VMA22: variants seen among roughly 807,000 people sequenced by gnomAD.
The protein encoded by VMA22 is vacuolar ATPase assembly factor VMA22, also known as vacuolar ATPase assembly protein VMA22.
chr2:130,340,649 G>T, the VMA22 span: 1 of 502,194 alleles, frequency 2.0e-6, no homozygotes, highest in Non-Finnish European at 3.6e-6. Flanking sequence ...CGTTGCCTTT[G>T]TCTGCTTCTA....
chr2:130,338,997 A>G, the VMA22 span: 5 of 684,046 alleles, frequency 7.3e-6, no homozygotes, highest in South Asian at 8.6e-5. Context: ...GAGCAGGGAC[A>G]CAGAAGGGGC....
the VMA22 span, chr2:130,342,103 G>T: frequency 6.2e-7 from 1 of 1,613,582 alleles, no homozygotes; most frequent in African/African-American, 1.3e-5. Context: ...ATCCAGCTCC[G>T]CTCGCAGGTC....
At chr2:130,342,117 C>G in the VMA22 span, 1 of 1,613,636 alleles carries the variant, frequency 6.2e-7, no homozygotes, top group Non-Finnish European at 8.5e-7. Context: ...GCAGGTCAAG[C>G]GCCGCCATGG....
At chr2:130,341,801 G>GACCCC in the VMA22 span, 1 of 1,378,140 alleles carries the variant, frequency 7.3e-7, no homozygotes, top group South Asian at 1.3e-5. Flanking sequence ...CCTAGAACGC[G>GACCCC]CCCGCCCGCC....
At chr2:130,341,801 G>T in the VMA22 span, 1 of 1,378,134 alleles carries the variant, frequency 7.3e-7, no homozygotes, top group South Asian at 1.3e-5. Flanking sequence ...CCTAGAACGC[G>T]CCCGCCCGCC....
the VMA22 span, chr2:130,342,202 G>T: frequency 6.4e-7 from 1 of 1,573,246 alleles, no homozygotes; most frequent in East Asian, 2.4e-5. Flanking sequence ...ATAGGCACAC[G>T]AGATCCTCCA....
chr2:130,341,033 C>T, the VMA22 span: 64 of 1,605,274 alleles, frequency 4.0e-5, no homozygotes, highest in Middle Eastern at 1.0e-3. Flanking sequence ...CTTGCGCCTC[C>T]GCAGACCTGA....
At chr2:130,341,849 G>C in the VMA22 span, 1 of 1,606,110 alleles carries the variant, frequency 6.2e-7, no homozygotes, top group Non-Finnish European at 8.5e-7. Context: ...ACCTGGCGTG[G>C]AGGCAGACCT....
At chr2:130,338,949 TCTTCAAA>T in the VMA22 span, 1 of 599,076 alleles carries the variant, frequency 1.7e-6, no homozygotes, top group Admixed American at 2.9e-5. Context: ...ACTGTTTGCC[TCTTCAAA>T]CTTCACACCT....
the VMA22 span, chr2:130,341,838 C>T: frequency 4.3e-6 from 5 of 1,150,976 alleles, no homozygotes; most frequent in East Asian, 3.8e-5. Context: ...GAAGCTTCCT[C>T]ACCTGGCGTG....
At chr2:130,339,501 C>T in the VMA22 span, 2 of 1,338,058 alleles carry the variant, frequency 1.5e-6, no homozygotes, top group South Asian at 2.9e-5. Context: ...GATAGTAATA[C>T]CATTTCATGC....
chr2:130,338,829 G>A, the VMA22 span: 21 of 366,516 alleles, frequency 5.7e-5, no homozygotes, highest in South Asian at 6.2e-4. Context: ...GCACAGCTGA[G>A]TGATCCAAGA....
the VMA22 span, chr2:130,338,352 A>G: frequency 6.6e-6 from 1 of 152,370 alleles, no homozygotes; most frequent in Non-Finnish European, 1.5e-5. Context: ...ATAAGCAAAA[A>G]GATAAACTGG....
At chr2:130,342,083 G>T in the VMA22 span, 1 of 1,613,832 alleles carries the variant, frequency 6.2e-7, no homozygotes, top group East Asian at 2.2e-5. Flanking sequence ...AGCAGCTGCA[G>T]GACCAGCGAA....
At chr2:130,339,477 A>G in the VMA22 span, 38 of 1,379,480 alleles carry the variant, frequency 2.8e-5, no homozygotes, top group Non-Finnish European at 3.6e-5. Context: ...CCCACCAGGA[A>G]CTAAAAATTC....
the VMA22 span, chr2:130,340,787 G>A: frequency 8.0e-7 from 1 of 1,242,802 alleles, no homozygotes; most frequent in Non-Finnish European, 1.2e-6. Flanking sequence ...ACGGAAGTTT[G>A]GATGGAGGAA....
At chr2:130,341,874 G>A in the VMA22 span, 2 of 1,613,096 alleles carry the variant, frequency 1.2e-6, no homozygotes, top group Non-Finnish European at 1.7e-6. Flanking sequence ...CTCCATGTGG[G>A]AAGCATACTG....
chr2:130,342,388 G>C, the VMA22 span: 5 of 604,130 alleles, frequency 8.3e-6, no homozygotes, highest in Admixed American at 3.1e-5. Flanking sequence ...GTTATAGGTG[G>C]TTCTGAGTCC....
the VMA22 span, chr2:130,338,519 G>A: frequency 1.3e-5 from 2 of 152,206 alleles, no homozygotes; most frequent in African/African-American, 4.8e-5. Context: ...AAAATGAAGA[G>A]AGGCTCAGCC....
Sources: allele counts gnomAD v4.1 joint callset, GRCh38; gene constraint gnomAD v4.1.1; transcripts MANE v1.5; gene names NCBI Gene and HGNC (gene_info 2026-07-23, HGNC 2026-07-21).